Variants in NCOA4 observed in about 807,000 individuals in gnomAD.
The protein encoded by NCOA4 is 70 kDa AR-activator.
A neutral mutation model predicts 69.5 loss-of-function variants in NCOA4; 31 were observed. That is an observed-to-expected ratio of 0.45 (90% CI 0.34 to 0.60). The LOEUF (loss-of-function observed/expected upper bound fraction) is 0.60, where lower values mean the gene tolerates loss of function less well. NCOA4 is among the 20% of genes least tolerant of loss of function. The pLI is 0.02. For missense variants in NCOA4, 600 were observed against 719.2 expected (o/e 0.83, Z 1.90); for synonymous variants, 228 against 252.4 (o/e 0.90, Z 0.92).
intron 9 of NCOA4, among the ~76,000 whole-genome samples, chr10:46,008,685 T>C (rs566784833): frequency 1.3e-5 from 2 of 152,346 alleles, no homozygotes; most frequent in South Asian, 4.1e-4. Context: ...AGCAGCAACA[T>C]GGTTTGACTC....
At chr10:46,028,441 A>G in intron 1 of NCOA4, among the ~76,000 whole-genome samples, 1 of 152,082 alleles carries the variant, frequency 6.6e-6, no homozygotes, top group East Asian at 1.9e-4. Context: ...GAATTCAGTA[A>G]GTATTTACAT....
chr10:46,019,906 T>C (rs1233479905), intron 1 of NCOA4, among the ~76,000 whole-genome samples: 3 of 152,232 alleles, frequency 2.0e-5, no homozygotes, highest in Non-Finnish European at 4.4e-5. Context: ...AGTCCCAGGA[T>C]GCTTGCCCCT....
Position 46,010,867 on chromosome 10 carries a change from CCT to C in NCOA4, c.1052_1053del (p.Gln351ArgfsTer10). ...ATCTCCACACCTTTGGGCTGGTTTC[CCT>C]GACAGTTGGTACAGGAGTCAGTCTT... ...LVKTDSCTNCQGNQPKGVEIE... is the reference protein window; with the variant it reads ...LVKTDSCTNCXGNQPKGVEIE... On this transcript the variant is annotated frameshift_variant, in exon 8 of 10. Transcript: ENST00000581486. LOFTEE classifies it high-confidence loss of function. The C allele has an allele frequency of 6.2e-7, 1 of 1,613,960 alleles. No individual in the cohort carries two copies. The highest frequency in any genetic ancestry group is 8.5e-7 in the Non-Finnish European group (1 of 1,179,874).
At position 46,010,945 on chromosome 10, in the gene NCOA4, C is replaced by T; in HGVS notation, c.976G>A (p.Glu326Lys). 5 of 1,613,966 alleles carry T rather than the reference C, an allele frequency of 3.1e-6. No homozygotes were observed. The highest frequency in any genetic ancestry group is 4.2e-6 in the Non-Finnish European group (5 of 1,179,860). Reference sequence around the variant, plus strand: ...GACTGGAATAAGAGCTTAAACTTCTCACTGGTTTCACGACTGCCATTCTCA... The same window carrying T: ...GACTGGAATAAGAGCTTAAACTTCTTACTGGTTTCACGACTGCCATTCTCA... ...KPENGSRETS[E>K]KFKLLFQSYN... Residue 326 changes from glutamate to lysine, a missense_variant, in exon 8 of 10, where the codon GAG becomes AAG. Glu to Lys is a moderately conservative substitution (Grantham distance 56, BLOSUM62 1). Coordinates refer to ENST00000581486, the MANE Select transcript of NCOA4 (RefSeq NM_001145263.2).
rs782195557 is a variant in NCOA4, at chr10:46,016,726, C to T, written c.-14-32G>A. ...AAGAAAAAAATATATATAAATAGCA[C>T]CATAATTACAACCAAAAACCACCTT... On this transcript the variant is annotated intron_variant, in intron 1 of 9. Transcript: ENST00000581486. 8.2e-6 allele frequency: 11 copies of T among 1,346,766 alleles called. No individual in the cohort carries two copies. In the African/African-American group the frequency reaches 1.5e-4, roughly 18 times the overall value. 83.4% of individuals were successfully genotyped at this position (1,346,766 alleles called of 1,614,324 possible).
Position 46,010,672 on chromosome 10 carries a change from C to T in NCOA4, c.1249G>A (p.Val417Met). ...TCCTTCTCACAATTCTCATCACACA[C>T]ACACTCTGCAAAGCTTGTGCAGGGC... Reference protein sequence around the residue: ...NEPCTSFAECVCDENCEKEAL... With the variant: ...NEPCTSFAECMCDENCEKEAL... Residue 417 changes from valine to methionine, a missense_variant, in exon 8 of 10, where the codon GTG (valine) becomes ATG (methionine). Coordinates refer to ENST00000581486, the MANE Select transcript of NCOA4 (RefSeq NM_001145263.2). 6.2e-7 allele frequency: 1 copy of T among 1,614,176 alleles called. No individual in the cohort carries two copies. The highest frequency in any genetic ancestry group is 8.5e-7 in the Non-Finnish European group (1 of 1,180,032).
intron 1 of NCOA4, chr10:46,022,350 G>A (rs782516083): frequency 9.1e-6 from 4 of 440,388 alleles, no homozygotes; most frequent in Admixed American, 2.9e-5. Context: ...GCATTAGACC[G>A]TCTGTAAAGC....
chr10:46,017,045 T>G (rs1186481645), intron 1 of NCOA4, among the ~76,000 whole-genome samples: 1 of 152,256 alleles, frequency 6.6e-6, no homozygotes, highest in Non-Finnish European at 1.5e-5. Flanking sequence ...TATAGTCATA[T>G]GAGGCATGTG....
At chr10:46,015,321 C>T in intron 2 of NCOA4, 55 bp from the exon 3 acceptor site, 1 of 1,497,022 alleles carries the variant, frequency 6.7e-7, no homozygotes, top group East Asian at 2.3e-5. Context: ...AATGATGTTT[C>T]CCAAAGAATA....
chr10:46,016,839 A>G (rs112206179), intron 1 of NCOA4, 145 bp from the exon 2 acceptor site: 15 of 458,204 alleles, frequency 3.3e-5, no homozygotes, highest in African/African-American at 2.0e-4. Context: ...CACATAAGAT[A>G]CTCTTAATAA....
At chr10:46,011,556 T>C (rs1590155226) in intron 7 of NCOA4, among the ~76,000 whole-genome samples, 1 of 151,692 alleles carries the variant, frequency 6.6e-6, no homozygotes, top group South Asian at 2.1e-4. Context: ...ATTACAGGCG[T>C]GAGCCACCAC....
chr10:46,029,298 G>A (rs1554926102), intron 1 of NCOA4, among the ~76,000 whole-genome samples: 1 of 152,214 alleles, frequency 6.6e-6, no homozygotes, highest in Non-Finnish European at 1.5e-5. Context: ...TGAAAGGAAC[G>A]TTATTGTGCT....
chr10:46,026,066 ATAAAT>A (rs1840144367), intron 1 of NCOA4, among the ~76,000 whole-genome samples: 1 of 152,244 alleles, frequency 6.6e-6, no homozygotes, highest in Non-Finnish European at 1.5e-5. Context: ...TGAATATATG[ATAAAT>A]TAATGTTTAG....
chr10:46,013,461 A>C, intron 6 of NCOA4, 89 bp downstream of exon 6: 1 of 941,204 alleles, frequency 1.1e-6, no homozygotes. Context: ...CTTTTTACAA[A>C]TAGTAGCATT....
chr10:46,014,376 T>A (rs1839410686), intron 5 of NCOA4, 68 bp downstream of exon 5: 1 of 1,181,598 alleles, frequency 8.5e-7, no homozygotes, highest in East Asian at 2.4e-5. Flanking sequence ...TCATAGCAAT[T>A]TTTTTTAAGA....
chr10:46,008,272 A>G (rs1838971101), intron 9 of NCOA4, among the ~76,000 whole-genome samples: 1 of 152,236 alleles, frequency 6.6e-6, no homozygotes, highest in South Asian at 2.1e-4. Context: ...CCTCTGATAG[A>G]TCTGGGCAAA....
chr10:46,022,364 T>G (rs1012263251), intron 1 of NCOA4: 1 of 446,434 alleles, frequency 2.2e-6, no homozygotes, highest in South Asian at 1.7e-5. Context: ...GTAAAGCTTT[T>G]AGTTTAAAAA....
At chr10:46,027,310 G>T in intron 1 of NCOA4, 5 of 708,896 alleles carry the variant, frequency 7.1e-6, no homozygotes, top group Non-Finnish European at 1.2e-5. Flanking sequence ...ACTTAAGACT[G>T]TAGTCATTCA....
At chr10:46,023,893 A>G (rs375645497) in intron 1 of NCOA4, among the ~76,000 whole-genome samples, 2 of 152,226 alleles carry the variant, frequency 1.3e-5, no homozygotes, top group African/African-American at 4.8e-5. Flanking sequence ...AGGCCAAAAG[A>G]TGAAATCTAG....
Sources: allele counts gnomAD v4.1 joint callset (sites outside exome capture counted in the v4.1 genomes callset), GRCh38; gene constraint gnomAD v4.1.1; transcripts MANE v1.5; gene names NCBI Gene and HGNC (gene_info 2026-07-23, HGNC 2026-07-21).